Variants in SLC16A12 observed in about 807,000 individuals in gnomAD.
SLC16A12 encodes the protein solute carrier family 16 member 12, also known as monocarboxylate transporter 12.
A neutral mutation model predicts 42.4 loss-of-function variants in SLC16A12; 17 were observed. The observed-to-expected ratio is 0.40, with a 90% confidence interval of 0.27 to 0.60. The LOEUF (loss-of-function observed/expected upper bound fraction) is 0.60. SLC16A12 is among the 20% of genes least tolerant of loss of function. The probability of loss-of-function intolerance (pLI) is 0.42; values close to 1 mark genes in which losing one functional copy is unlikely to be tolerated. For synonymous variants in SLC16A12, 224 were observed against 229.4 expected, an observed-to-expected ratio of 0.98 and a Z score of 0.21; for missense variants, 544 against 623.0, an observed-to-expected ratio of 0.87 and a Z score of 1.35.
At chr10:89,458,811 C>A (rs918734231) in intron 3 of SLC16A12, among the ~76,000 whole-genome samples, 4 of 152,168 alleles carry the variant, frequency 2.6e-5, no homozygotes, top group African/African-American at 9.7e-5. Flanking sequence ...TAGAAAGAAT[C>A]ATGGGGTGAT....
At chr10:89,534,929 TGTTACGAACGCTTTTCCGA>T (rs1474072362) in intron 1 of SLC16A12, among the ~76,000 whole-genome samples, 1 of 152,082 alleles carries the variant, frequency 6.6e-6, no homozygotes, top group Non-Finnish European at 1.5e-5. Flanking sequence ...TTCAAAATTT[TGTTACGAACGCTTTTCCGA>T]GTCCACAATA....
chr10:89,496,109 TTAACA>T (rs1281086627), intron 2 of SLC16A12, among the ~76,000 whole-genome samples: 2 of 151,828 alleles, frequency 1.3e-5, no homozygotes, highest in African/African-American at 4.8e-5. Context: ...ATTATAACAA[TTAACA>T]TAAGAAGTGG....
In SLC16A12 at chr10:89,495,160, G is replaced by A. The variant is rs117659382; in HGVS notation, c.-46-32536C>T. ...GAGGTCAGGAGTTTGAGAGCAGCCT[G>A]GCCAACATATAGTGAAACCCCGTCT... On this transcript the variant is annotated intron_variant, in intron 2 of 7. Transcript: ENST00000371790. 8.8e-3 allele frequency among the ~76,000 whole-genome samples: 1,344 copies of A among 152,124 alleles called. 6 individuals carry two copies. The highest frequency in any genetic ancestry group is 0.014 in the Non-Finnish European group (976 of 68,006).
At chr10:89,551,675 A>C (rs1782891195) in intron 2 of SLC16A12, among the ~76,000 whole-genome samples, 1 of 152,060 alleles carries the variant, frequency 6.6e-6, no homozygotes. Context: ...CATAGTAGTG[A>C]ATAAGTCTTA....
At chr10:89,466,558 C>T (rs765121253) in intron 2 of SLC16A12, among the ~76,000 whole-genome samples, 30 of 152,336 alleles carry the variant, frequency 2.0e-4, no homozygotes, top group Non-Finnish European at 4.0e-4. Flanking sequence ...AATTTTATTA[C>T]GCCTACAGTG....
chr10:89,459,291 A>G (rs1842251493), intron 3 of SLC16A12, among the ~76,000 whole-genome samples: 1 of 150,824 alleles, frequency 6.6e-6, no homozygotes, highest in Non-Finnish European at 1.5e-5. Flanking sequence ...TAAGACAATG[A>G]CTCCCATAAC....
At chr10:89,516,348 G>GC (rs1430701015) in intron 2 of SLC16A12, among the ~76,000 whole-genome samples, 1 of 152,176 alleles carries the variant, frequency 6.6e-6, no homozygotes, top group Non-Finnish European at 1.5e-5. Context: ...CACACTGGAG[G>GC]CCCCCAAAAC....
chr10:89,529,127 A>AT (rs1205539717), intron 2 of SLC16A12, among the ~76,000 whole-genome samples: 1 of 151,956 alleles, frequency 6.6e-6, no homozygotes, highest in Non-Finnish European at 1.5e-5. Flanking sequence ...GTGAGTTTTT[A>AT]TTTTTTTGGT....
chr10:89,522,357 C>T, intron 2 of SLC16A12, among the ~76,000 whole-genome samples: 1 of 152,216 alleles, frequency 6.6e-6, no homozygotes, highest in East Asian at 1.9e-4. Flanking sequence ...GTCCTGCTCT[C>T]TTTTCCCTCT....
At chr10:89,539,909 C>CTTTCTT (rs370913553), upstream of SLC16A12, among the ~76,000 whole-genome samples, 3 of 137,048 alleles carry the variant, frequency 2.2e-5, no homozygotes, top group East Asian at 4.2e-4. Flanking sequence ...TTCTTTCTTT[C>CTTTCTT]TTTTTTCTTT....
intron 2 of SLC16A12, among the ~76,000 whole-genome samples, chr10:89,541,891 T>C (rs952770171): frequency 2.0e-5 from 3 of 152,224 alleles, no homozygotes; most frequent in Non-Finnish European, 4.4e-5. Context: ...GATATTATTA[T>C]TTTGTGTCTC....
rs376184054 is a variant in SLC16A12 at position 89,499,091 on chromosome 10, A to C, written c.-47+35410T>G. On this transcript the variant is annotated intron_variant, in intron 2 of 7. Transcript: ENST00000371790. ...GCTCTTTAACATCCCCCAAAAAATCACACTAGCTTGCCAGCAATGGATCCA... is the reference window on the plus strand; with the variant it reads ...GCTCTTTAACATCCCCCAAAAAATCCCACTAGCTTGCCAGCAATGGATCCA... Among the ~76,000 whole-genome samples the C allele has an allele frequency of 9.2e-5, 14 of 152,250 alleles. No individual in the cohort carries two copies. The East Asian group carries it at 1.4e-3, about 15-fold the overall frequency.
At chr10:89,438,293 A>G (rs1841837591) in intron 6 of SLC16A12, among the ~76,000 whole-genome samples, 1 of 152,242 alleles carries the variant, frequency 6.6e-6, no homozygotes, top group Admixed American at 6.5e-5. Flanking sequence ...CAGTGTGCAT[A>G]AAGTCTTATT....
At chr10:89,438,544 G>GAGA in intron 6 of SLC16A12, 60 bp downstream of exon 6, 1 of 1,483,638 alleles carries the variant, frequency 6.7e-7, no homozygotes, top group Admixed American at 1.8e-5. Flanking sequence ...AGGGGCTGAG[G>GAGA]AGAAACTCAA....
chr10:89,553,438 C>T (rs149448942), intron 2 of SLC16A12, among the ~76,000 whole-genome samples: 134 of 152,290 alleles, frequency 8.8e-4, no homozygotes, highest in African/African-American at 3.1e-3. Flanking sequence ...CAAATATTGC[C>T]AACTAGCATG....
At chr10:89,535,627 T>C (rs1362386610), upstream of SLC16A12, 7 of 147,896 alleles carry the variant, frequency 4.7e-5, no homozygotes, top group African/African-American at 1.7e-4. Flanking sequence ...ACCACCCCCA[T>C]GCCCCGCCCG....
At position 89,438,547 on chromosome 10, in the gene SLC16A12, A is replaced by G. The variant is rs1019154259; in HGVS notation, c.1028+57T>C. On this transcript the variant is annotated intron_variant, in intron 6 of 7. Coordinates refer to ENST00000371790, the MANE Select transcript of SLC16A12 (RefSeq NM_213606.4). ...CTCCACAGGGTAAGGGGCTGAGGAGAAACTCAAGGCTTAAAGTCCCCTGGT... is the reference window on the plus strand; with the variant it reads ...CTCCACAGGGTAAGGGGCTGAGGAGGAACTCAAGGCTTAAAGTCCCCTGGT... 2.1e-5 allele frequency: 31 copies of G among 1,508,018 alleles called. No homozygotes were observed. In the Admixed American group the frequency reaches 5.5e-4, roughly 27 times the overall value. The allele number at this position is 1,508,018 out of a possible 1,614,324, so 93.4% of individuals were successfully genotyped here.
chr10:89,531,368 A>G (rs1409999006), intron 2 of SLC16A12, among the ~76,000 whole-genome samples: 3 of 152,212 alleles, frequency 2.0e-5, no homozygotes, highest in African/African-American at 7.2e-5. Context: ...ACTGCACTCC[A>G]GCCTGGGTGA....
At chr10:89,456,733 G>T (rs1259395794) in intron 3 of SLC16A12, among the ~76,000 whole-genome samples, 1 of 151,960 alleles carries the variant, frequency 6.6e-6, no homozygotes, top group Non-Finnish European at 1.5e-5. Context: ...CCCAGTGTGT[G>T]TTGCTCCCCT....
Sources: gnomAD v4.1 joint callset for allele counts (sites outside exome capture counted in the v4.1 genomes callset) on GRCh38, gnomAD v4.1.1 for gene constraint, MANE v1.5 for transcripts, NCBI Gene and HGNC (gene_info 2026-07-23, HGNC 2026-07-21) for gene names.